Variants in RALYL observed in about 807,000 individuals in gnomAD.
The protein encoded by RALYL is RALY RNA binding protein like, also known as RNA-binding Raly-like protein.
In RALYL, 29 loss-of-function variants were observed where a neutral mutation model predicts 35.1. That is an observed-to-expected ratio of 0.83 (90% CI 0.61 to 1.13). The LOEUF is 1.13. Ranked by LOEUF, RALYL falls within the 50% of genes most tolerant of loss-of-function variation. The pLI, the probability that RALYL is intolerant of heterozygous loss-of-function variation, is 0.00. For missense variants in RALYL, 359 were observed against 360.4 expected, an observed-to-expected ratio of 1.00 and a Z score of 0.03; for synonymous variants, 120 against 127.6, an observed-to-expected ratio of 0.94 and a Z score of 0.40.
intron 2 of RALYL, among the ~76,000 whole-genome samples, chr8:84,560,837 C>G (rs1456527155): frequency 6.6e-6 from 1 of 151,864 alleles, no homozygotes; most frequent in Non-Finnish European, 1.5e-5. Flanking sequence ...GAGAACTTGT[C>G]AATTAAATGC....
At chr8:84,841,147 G>C (rs1205502306) in intron 4 of RALYL, among the ~76,000 whole-genome samples, 1 of 152,070 alleles carries the variant, frequency 6.6e-6, no homozygotes, top group African/African-American at 2.4e-5. Flanking sequence ...TGGGCTAAAT[G>C]CTCCAATTAA....
chr8:84,259,252 C>T (rs1406833332), intron 1 of RALYL, among the ~76,000 whole-genome samples: 1 of 152,172 alleles, frequency 6.6e-6, no homozygotes, highest in African/African-American at 2.4e-5. Context: ...CAATGTAGGT[C>T]AAGCACAAGG....
At chr8:84,191,726 A>G (rs889422170) in intron 1 of RALYL, among the ~76,000 whole-genome samples, 10 of 152,330 alleles carry the variant, frequency 6.6e-5, no homozygotes, top group Non-Finnish European at 7.3e-5. Context: ...ACGTTGAGTA[A>G]AGTAAAATCC....
Position 84,342,277 on chromosome 8 carries a change from AATAT to A in RALYL, c.-24+157869_-24+157872del, listed in dbSNP as rs57901276. Among the ~76,000 whole-genome samples the A allele has an allele frequency of 2.6e-3, 175 of 66,136 alleles. 25 individuals carry two copies. Among genetic ancestry groups the A allele is most frequent in the Middle Eastern group, 8.3e-3 (1 of 120 alleles). The allele number at this position is 66,136 out of a possible 152,430, so 43.4% of individuals were successfully genotyped here. A position where few individuals can be genotyped will look rare whatever the true frequency, so the allele number is the denominator to read the frequency against. On this transcript the variant is annotated intron_variant, in intron 1 of 8. Transcript: ENST00000521268. Reference sequence around the variant, plus strand: ...TGAGTGAGGGTACAGAGCATCGTTCAATATATATATATATATATAAAACTCAAAA... The same window carrying A: ...TGAGTGAGGGTACAGAGCATCGTTCAATATATATATATATAAAACTCAAAA...
chr8:84,313,910 G>A (rs1163517516), intron 1 of RALYL, among the ~76,000 whole-genome samples: 1 of 152,056 alleles, frequency 6.6e-6, no homozygotes, highest in African/African-American at 2.4e-5. Flanking sequence ...CTTTGTAGCA[G>A]TATCCCACTA....
At chr8:84,515,846 G>A (rs1417786683) in intron 1 of RALYL, among the ~76,000 whole-genome samples, 1 of 152,044 alleles carries the variant, frequency 6.6e-6, no homozygotes, top group Non-Finnish European at 1.5e-5. Flanking sequence ...TTTCTCCTCT[G>A]GTAGAATCTG....
intron 1 of RALYL, among the ~76,000 whole-genome samples, chr8:84,310,329 A>G (rs2129804966): frequency 6.6e-6 from 1 of 151,936 alleles, no homozygotes; most frequent in East Asian, 1.9e-4. Flanking sequence ...ATGAGCCACC[A>G]TGCCTGGCAT....
chr8:84,367,736 C>A (rs1466370038), intron 1 of RALYL, among the ~76,000 whole-genome samples: 2 of 152,032 alleles, frequency 1.3e-5, no homozygotes, highest in Admixed American at 6.6e-5. Flanking sequence ...TATCTTTCAT[C>A]CCAGACCACT....
chr8:84,257,826 C>T (rs907646963), intron 1 of RALYL, among the ~76,000 whole-genome samples: 1 of 152,106 alleles, frequency 6.6e-6, no homozygotes, highest in African/African-American at 2.4e-5. Context: ...CTACAAACAT[C>T]AGTTTGTGGA....
In RALYL at chr8:84,201,802, A is replaced by G. The variant is rs527488873; in HGVS notation, c.-24+17378A>G. On this transcript the variant is annotated intron_variant, in intron 1 of 8. Coordinates refer to ENST00000521268, the MANE Select transcript of RALYL (RefSeq NM_173848.7). ...GGTTAGTCTCGAACTCCTGACCTCAAGCGATTCTCCCACCTCAGCCTCCCA... is the reference window on the plus strand; with the variant it reads ...GGTTAGTCTCGAACTCCTGACCTCAGGCGATTCTCCCACCTCAGCCTCCCA... Among the ~76,000 whole-genome samples, 9 of 152,140 alleles carry G rather than the reference A, an allele frequency of 5.9e-5. No individual in the cohort carries two copies. The East Asian group carries it at 1.7e-3, about 29-fold the overall frequency.
chr8:84,885,631 G>A (rs1842824418), intron 7 of RALYL, among the ~76,000 whole-genome samples: 2 of 152,124 alleles, frequency 1.3e-5, no homozygotes, highest in Non-Finnish European at 2.9e-5. Context: ...TATAGCTTGT[G>A]TCTATTTATA....
chr8:84,513,563 C>T (rs569852796), intron 1 of RALYL, among the ~76,000 whole-genome samples: 1 of 152,114 alleles, frequency 6.6e-6, no homozygotes, highest in East Asian at 1.9e-4. Context: ...ATTAAGGACT[C>T]CAAGGTTTAA....
chr8:84,315,430 G>A (rs1279864117), intron 1 of RALYL, among the ~76,000 whole-genome samples: 1 of 152,002 alleles, frequency 6.6e-6, no homozygotes, highest in Non-Finnish European at 1.5e-5. Context: ...CATATTTGTT[G>A]AATATGCAAC....
chr8:84,664,117 G>A (rs1831453982), intron 2 of RALYL, among the ~76,000 whole-genome samples: 1 of 152,084 alleles, frequency 6.6e-6, no homozygotes, highest in Admixed American at 6.6e-5. Flanking sequence ...TCAAAGATCA[G>A]ATGGTTGTAG....
intron 2 of RALYL, among the ~76,000 whole-genome samples, chr8:84,687,607 T>C (rs183945846): frequency 6.6e-6 from 1 of 152,236 alleles, no homozygotes; most frequent in Admixed American, 6.6e-5. Flanking sequence ...ACACAAAAAA[T>C]TGTAATAATT....
rs573722919 is a variant in RALYL at position 84,273,836 on chromosome 8, G to A, written c.-24+89412G>A. On this transcript the variant is annotated intron_variant, in intron 1 of 8. Transcript: ENST00000521268. ...TTTGTCTCAAGGGGAGGAATGAGAA[G>A]TACAGGGTTGCTTGAATAGCATTAA... Among the ~76,000 whole-genome samples, 61 of 152,342 alleles carry A rather than the reference G, an allele frequency of 4.0e-4. 1 individual carries two copies. Among genetic ancestry groups the A allele is most frequent in the African/African-American group, 1.4e-3 (60 of 41,586 alleles).
At chr8:84,667,511 G>C (rs372499804) in intron 2 of RALYL, among the ~76,000 whole-genome samples, 1 of 152,076 alleles carries the variant, frequency 6.6e-6, no homozygotes, top group East Asian at 1.9e-4. Context: ...CAAGATAAAG[G>C]CTTGCTTCTT....
intron 2 of RALYL, among the ~76,000 whole-genome samples, chr8:84,544,712 G>T (rs1351105809): frequency 1.4e-4 from 22 of 151,938 alleles, no homozygotes; most frequent in Non-Finnish European, 2.9e-5. Flanking sequence ...ATTACATTTT[G>T]CCAGATATTT....
At chr8:84,753,562 C>T (rs1182495634) in intron 2 of RALYL, among the ~76,000 whole-genome samples, 1 of 152,134 alleles carries the variant, frequency 6.6e-6, no homozygotes, top group Non-Finnish European at 1.5e-5. Flanking sequence ...GCCTGGTGGG[C>T]AGTGCCTGGA....
Sources: allele counts gnomAD v4.1 joint callset (sites outside exome capture counted in the v4.1 genomes callset), GRCh38; gene constraint gnomAD v4.1.1; transcripts MANE v1.5; gene names NCBI Gene and HGNC (gene_info 2026-07-23, HGNC 2026-07-21).